Variants in ZNF875 observed in about 807,000 individuals in gnomAD.
ZNF875 encodes the protein HKR1, GLI-Kruppel zinc finger family member.
Under a neutral mutation model 11.2 loss-of-function variants are expected in ZNF875, and 14 were observed. That is an observed-to-expected ratio of 1.26 (90% CI 0.83 to 1.96). The LOEUF (loss-of-function observed/expected upper bound fraction) is 1.96. Among genes scored for constraint, ZNF875 ranks in the 30% most tolerant of loss-of-function variants. The probability of loss-of-function intolerance (pLI) is 0.00; values close to 1 mark genes in which losing one functional copy is unlikely to be tolerated. For missense variants in ZNF875, 752 were observed against 760.4 expected (o/e 0.99, Z 0.13); for synonymous variants, 301 against 281.1 (o/e 1.07, Z -0.71).
exon 1 of ZNF875, chr19:37,312,861 A>G (rs1333263430): frequency 6.6e-6 from 1 of 151,568 alleles, no homozygotes; most frequent in South Asian, 2.1e-4. Flanking sequence ...CCAGCCTCTC[A>G]CAGCCCGGAG....
upstream of ZNF875, among the ~76,000 whole-genome samples, chr19:37,332,115 G>C (rs932120257): frequency 2.1e-5 from 3 of 146,182 alleles, no homozygotes; most frequent in East Asian, 2.0e-4. Context: ...CTTTGTTCAC[G>C]TGTTTGTCTG....
At chr19:37,334,169 G>A (rs1469202695), upstream of ZNF875, among the ~76,000 whole-genome samples, 1 of 152,112 alleles carries the variant, frequency 6.6e-6, no homozygotes, top group African/African-American at 2.4e-5. Flanking sequence ...CCCTGTCCTG[G>A]TACACCCTCC....
chr19:37,351,270 A>G (rs571802924), intron 4 of ZNF875, among the ~76,000 whole-genome samples: 1 of 152,258 alleles, frequency 6.6e-6, no homozygotes, highest in East Asian at 1.9e-4. Flanking sequence ...AAAAGTGTGT[A>G]TATTTCTCTA....
intron 1 of ZNF875, among the ~76,000 whole-genome samples, chr19:37,320,127 G>A (rs767219919): frequency 1.3e-5 from 2 of 152,068 alleles, no homozygotes; most frequent in Non-Finnish European, 2.9e-5. Flanking sequence ...CACCCGCCTC[G>A]GCCTCCCAAA....
rs189590952 is a variant in ZNF875 at position 37,340,298 on chromosome 19, A to G, written c.33+5041A>G. ...CGCCCAGCCCTACTGTACAACTTTT[A>G]TTTGCTTTTATTTTAATTATTACAC... On this transcript the variant is annotated intron_variant, in intron 2 of 4. Coordinates refer to ENST00000392153, the MANE Select transcript of ZNF875 (RefSeq NM_001353803.2). Among the ~76,000 whole-genome samples the G allele has an allele frequency of 1.2e-3, 177 of 151,960 alleles. 1 individual carries two copies. Among genetic ancestry groups the G allele is most frequent in the African/African-American group, 4.1e-3 (169 of 41,468 alleles).
chr19:37,338,049 A>G (rs2034872520), intron 2 of ZNF875, among the ~76,000 whole-genome samples: 1 of 152,192 alleles, frequency 6.6e-6, no homozygotes, highest in Admixed American at 6.5e-5. Context: ...TTCATTTGAG[A>G]GTGTTAATAC....
intron 1 of ZNF875, among the ~76,000 whole-genome samples, chr19:37,320,370 T>C (rs1279317939): frequency 6.6e-6 from 1 of 152,210 alleles, no homozygotes; most frequent in Non-Finnish European, 1.5e-5. Context: ...TCTGACAGCA[T>C]CTCCAAATAG....
intron 4 of ZNF875, among the ~76,000 whole-genome samples, chr19:37,327,977 C>T (rs553544207): frequency 1.3e-5 from 2 of 152,114 alleles, no homozygotes; most frequent in South Asian, 2.1e-4. Flanking sequence ...TGCGGTGGCT[C>T]ATGCCTGTAA....
intron 1 of ZNF875, among the ~76,000 whole-genome samples, chr19:37,319,103 A>G (rs1489568859): frequency 6.7e-6 from 1 of 149,354 alleles, no homozygotes; most frequent in East Asian, 2.0e-4. Flanking sequence ...CTGGAGTGCA[A>G]TGGTGTGATC....
In ZNF875 at chr19:37,361,925, C is replaced by CA. The variant is rs11344989; in HGVS notation, c.257-177dup. ...GAAAGACTCCGTTTAAAAAAAAAAA[C>CA]AAAAAAACAAAAGAAAGTGTAATGC... On this transcript the variant is annotated intron_variant, in intron 4 of 4. Transcript: ENST00000392153. 26 of 544,280 alleles carry CA rather than the reference C, an allele frequency of 4.8e-5. No individual in the cohort carries two copies. In the Admixed American group the frequency reaches 7.9e-4, roughly 16 times the overall value. 33.7% of individuals were successfully genotyped at this position (544,280 alleles called of 1,614,324 possible). A position where few individuals can be genotyped will look rare whatever the true frequency, so the allele number is the denominator to read the frequency against.
At chr19:37,333,529 G>C (rs1219807805), upstream of ZNF875, among the ~76,000 whole-genome samples, 1 of 152,096 alleles carries the variant, frequency 6.6e-6, no homozygotes, top group Non-Finnish European at 1.5e-5. Context: ...ATTCTGGAGG[G>C]GGTAGGGTGT....
intron 3 of ZNF875, among the ~76,000 whole-genome samples, chr19:37,323,915 G>T (rs1186078949): frequency 6.6e-6 from 1 of 152,138 alleles, no homozygotes; most frequent in Non-Finnish European, 1.5e-5. Context: ...GGGCCCCAGT[G>T]GGTAAGCTCT....
chr19:37,344,871 G>A (rs79386354), intron 2 of ZNF875: 6 of 820,124 alleles, frequency 7.3e-6, no homozygotes, highest in Non-Finnish European at 1.3e-5. Context: ...TTCTGAGAAG[G>A]GGTTGTAAAA....
intron 4 of ZNF875, chr19:37,328,459 G>A (rs1484774629): frequency 6.6e-6 from 1 of 152,136 alleles, no homozygotes; most frequent in Non-Finnish European, 1.5e-5. Context: ...ATGAAGGTAG[G>A]GTGGGTTAGT....
intron 4 of ZNF875, among the ~76,000 whole-genome samples, chr19:37,356,302 A>G (rs2038899444): frequency 6.6e-6 from 1 of 152,158 alleles, no homozygotes; most frequent in Non-Finnish European, 1.5e-5. Context: ...GTTGGATTGA[A>G]TGGTAGTTCT....
chr19:37,323,235 C>T (rs1402779270), intron 2 of ZNF875, among the ~76,000 whole-genome samples: 1 of 151,834 alleles, frequency 6.6e-6, no homozygotes, highest in Admixed American at 6.6e-5. Flanking sequence ...CTCACTGCAA[C>T]CTCCGTCTCC....
chr19:37,343,146 G>A (rs2036079930), intron 2 of ZNF875, among the ~76,000 whole-genome samples: 1 of 151,970 alleles, frequency 6.6e-6, no homozygotes, highest in Non-Finnish European at 1.5e-5. Flanking sequence ...AGACCAGCCT[G>A]GCCAACATAG....
intron 4 of ZNF875, 183 bp from the exon 5 acceptor site, chr19:37,361,925 CA>C (rs11344989): frequency 0.46 from 250,158 of 542,890 alleles, 56,488 homozygotes; most frequent in African/African-American, 0.68. Context: ...AAAAAAAAAA[CA>C]AAAAAACAAA....
At chr19:37,323,566 A>G (rs909998915) in exon 3 of ZNF875, 5 of 152,186 alleles carry the variant, frequency 3.3e-5, no homozygotes, top group African/African-American at 1.2e-4. Flanking sequence ...CTAGAGATTG[A>G]ACAGGTAAGG....
Sources: gnomAD v4.1 joint callset for allele counts (sites outside exome capture counted in the v4.1 genomes callset) on GRCh38, gnomAD v4.1.1 for gene constraint, MANE v1.5 for transcripts, NCBI Gene and HGNC (gene_info 2026-07-23, HGNC 2026-07-21) for gene names.